The following FA2H variants were observed in gnomAD, a reference collection of about 807,000 sequenced individuals.
The protein encoded by FA2H is fatty acid 2-hydroxylase.
FA2H carries 22 observed loss-of-function variants against 44.9 expected under a neutral mutation model. The ratio of observed to expected loss-of-function variants is 0.49; its 90% CI spans 0.35 to 0.70. The LOEUF (loss-of-function observed/expected upper bound fraction) is 0.70. Ranked by LOEUF, FA2H falls within the 30% of genes least tolerant of loss-of-function variation. FA2H has a pLI of 0.01. For missense variants in FA2H, 501 were observed against 504.9 expected, an observed-to-expected ratio of 0.99 and a Z score of 0.07; for synonymous variants, 243 against 213.2, an observed-to-expected ratio of 1.14 and a Z score of -1.22.
At chr16:74,718,684 C>T (rs750208956) in intron 5 of FA2H, among the ~76,000 whole-genome samples, 2 of 152,236 alleles carry the variant, frequency 1.3e-5, no homozygotes, top group African/African-American at 4.8e-5. Context: ...ACACAGGAGG[C>T]ACTCACTGGG....
intron 1 of FA2H, among the ~76,000 whole-genome samples, chr16:74,763,398 C>T (rs982317180): frequency 1.3e-5 from 2 of 152,094 alleles, no homozygotes; most frequent in African/African-American, 4.8e-5. Context: ...ACTGGGATTA[C>T]AGGCACGCAC....
At chr16:74,731,997 C>G (rs559481008) in intron 2 of FA2H, among the ~76,000 whole-genome samples, 1 of 152,226 alleles carries the variant, frequency 6.6e-6, no homozygotes, top group Non-Finnish European at 1.5e-5. Flanking sequence ...CTCAGCTTCC[C>G]GAGTAGCTGG....
At chr16:74,715,801 TTCTTC>T (rs1961679924) in intron 6 of FA2H, among the ~76,000 whole-genome samples, 3 of 141,302 alleles carry the variant, frequency 2.1e-5, no homozygotes, top group African/African-American at 8.2e-5. Flanking sequence ...TTGCTTTACT[TTCTTC>T]TTCTTCTTCT....
At chr16:74,717,049 A>G (rs114912635) in intron 5 of FA2H, 11,917 of 174,806 alleles carry the variant, frequency 0.068, 871 homozygotes, top group African/African-American at 0.2. Context: ...ACTGAGGGCA[A>G]CTGAGGTTAA....
intron 5 of FA2H, among the ~76,000 whole-genome samples, chr16:74,718,475 G>A (rs959101691): frequency 1.3e-5 from 2 of 152,140 alleles, no homozygotes; most frequent in Non-Finnish European, 2.9e-5. Context: ...GATTGAGAGC[G>A]CAGACTCTGG....
At chr16:74,725,670 C>G (rs185489071) in intron 4 of FA2H, among the ~76,000 whole-genome samples, 133 of 152,288 alleles carry the variant, frequency 8.7e-4, no homozygotes, top group African/African-American at 3.0e-3. Flanking sequence ...ATGAGGCGGT[C>G]CTGGGAGAAC....
chr16:74,771,059 G>A (rs1486641576), intron 1 of FA2H, among the ~76,000 whole-genome samples: 1 of 152,234 alleles, frequency 6.6e-6, no homozygotes, highest in Admixed American at 6.5e-5. Flanking sequence ...ATGGTGTTGC[G>A]AGGACGAGCC....
chr16:74,751,197 C>T (rs995250385), intron 1 of FA2H, among the ~76,000 whole-genome samples: 3 of 152,050 alleles, frequency 2.0e-5, no homozygotes, highest in Admixed American at 6.5e-5. Context: ...CGGGTTCAAG[C>T]GATCCTCCTG....
chr16:74,772,505 A>G (rs986384271), intron 1 of FA2H, among the ~76,000 whole-genome samples: 3 of 152,216 alleles, frequency 2.0e-5, no homozygotes, highest in African/African-American at 7.2e-5. Context: ...CACCCAGCAC[A>G]GTGCTGTCAA....
chr16:74,752,813 G>T (rs1381214680), intron 1 of FA2H, among the ~76,000 whole-genome samples: 4 of 152,196 alleles, frequency 2.6e-5, no homozygotes, highest in Non-Finnish European at 4.4e-5. Flanking sequence ...CCTGACCAGG[G>T]TAAGTGTCCT....
intron 1 of FA2H, among the ~76,000 whole-genome samples, chr16:74,756,589 G>A (rs1192457391): frequency 6.6e-6 from 1 of 152,082 alleles, no homozygotes; most frequent in African/African-American, 2.4e-5. Context: ...CAGAGTCTTG[G>A]CTGCAAGGGA....
chr16:74,740,000 C>G (rs767953195), intron 2 of FA2H, 23 bp downstream of exon 2: 3 of 1,570,812 alleles, frequency 1.9e-6, no homozygotes, highest in Non-Finnish European at 1.8e-6. Context: ...AGTCATCACC[C>G]CACTCCATCC....
At chr16:74,752,718 G>A (rs62051102) in intron 1 of FA2H, among the ~76,000 whole-genome samples, 29,658 of 152,044 alleles carry the variant, frequency 0.2, 3,424 homozygotes, top group Non-Finnish European at 0.25. Context: ...ATGGAGGAAG[G>A]GATGGTGGGG....
At chr16:74,753,595 C>A (rs1425045795) in intron 1 of FA2H, among the ~76,000 whole-genome samples, 1 of 152,118 alleles carries the variant, frequency 6.6e-6, no homozygotes, top group Admixed American at 6.5e-5. Context: ...ATCGCTTGAA[C>A]CCAGGAGTTG....
At chr16:74,731,132 T>A (rs970164347) in intron 2 of FA2H, among the ~76,000 whole-genome samples, 1 of 152,140 alleles carries the variant, frequency 6.6e-6, no homozygotes, top group Non-Finnish European at 1.5e-5. Flanking sequence ...TCTTCCTTTT[T>A]AATCTAGTCA....
intron 1 of FA2H, among the ~76,000 whole-genome samples, chr16:74,758,352 C>T (rs1962650391): frequency 6.6e-6 from 1 of 151,882 alleles, no homozygotes; most frequent in South Asian, 2.1e-4. Flanking sequence ...GAACTCCTGA[C>T]CTCGTGATCC....
chr16:74,745,560 C>T (rs947253487), intron 1 of FA2H, among the ~76,000 whole-genome samples: 1 of 152,228 alleles, frequency 6.6e-6, no homozygotes, highest in African/African-American at 2.4e-5. Flanking sequence ...TCAGCAGGCA[C>T]TGCTCATTCC....
intron 4 of FA2H, among the ~76,000 whole-genome samples, chr16:74,724,579 C>T (rs1045998149): frequency 1.3e-4 from 20 of 152,316 alleles, no homozygotes; most frequent in Admixed American, 3.3e-4. Context: ...CCTTGCCTTG[C>T]TTTGTGGGCT....
chr16:74,735,252 C>G (rs1203776127), intron 2 of FA2H, among the ~76,000 whole-genome samples: 1 of 152,158 alleles, frequency 6.6e-6, no homozygotes, highest in Non-Finnish European at 1.5e-5. Flanking sequence ...GCTGTGATTC[C>G]TCACAGCCAG....
Sources: gnomAD v4.1 joint callset for allele counts (sites outside exome capture counted in the v4.1 genomes callset) on GRCh38, gnomAD v4.1.1 for gene constraint, MANE v1.5 for transcripts, NCBI Gene and HGNC (gene_info 2026-07-23, HGNC 2026-07-21) for gene names.